The following PARN variants were observed in gnomAD, a reference collection of about 807,000 sequenced individuals.
The protein encoded by PARN is poly(A)-specific ribonuclease.
Under a neutral mutation model 102.8 loss-of-function variants are expected in PARN, and 71 were observed. The observed-to-expected ratio is 0.69, with a 90% CI of 0.57 to 0.84. The LOEUF is 0.84. Ranked by LOEUF, PARN falls within the 40% of genes least tolerant of loss-of-function variation. The probability of loss-of-function intolerance (pLI) is 0.00; values close to 1 mark genes in which losing one functional copy is unlikely to be tolerated. For missense variants in PARN, 782 were observed against 760.9 expected, an observed-to-expected ratio of 1.03 and a Z score of -0.33; for synonymous variants, 261 against 252.9, an observed-to-expected ratio of 1.03 and a Z score of -0.30.
At chr16:14,599,294 C>T (rs373455041) in intron 12 of PARN, among the ~76,000 whole-genome samples, 6 of 152,236 alleles carry the variant, frequency 3.9e-5, no homozygotes, top group East Asian at 3.9e-4. Flanking sequence ...CCATCCTTAT[C>T]GGCCTCCCGA....
intron 21 of PARN, among the ~76,000 whole-genome samples, chr16:14,495,354 C>A (rs1417410909): frequency 6.6e-6 from 1 of 151,954 alleles, no homozygotes; most frequent in Non-Finnish European, 1.5e-5. Flanking sequence ...CATGGTGGTG[C>A]GCACCTGTAG....
intron 5 of PARN, among the ~76,000 whole-genome samples, chr16:14,621,876 T>A: frequency 6.6e-6 from 1 of 151,386 alleles, no homozygotes. Context: ...CTTTGATTTG[T>A]CATAAATGTA....
In PARN at chr16:14,584,738, A is replaced by G. The variant is rs1043027700; in HGVS notation, c.1005+11T>C. The G allele has an allele frequency of 5.1e-6, 8 of 1,565,224 alleles. No homozygotes were observed. The highest frequency in any genetic ancestry group is 6.1e-6 in the Non-Finnish European group (7 of 1,155,180). ...ATGCAGTCGCTTTATAAAGTAGCAA[A>G]TGAATAATACCTTAAAAGGTTGTGT... On this transcript the variant is annotated intron_variant, in intron 15 of 23. Coordinates refer to ENST00000437198, the MANE Select transcript of PARN (RefSeq NM_002582.4).
chr16:14,515,681 AT>A (rs1290376614), intron 21 of PARN, among the ~76,000 whole-genome samples: 3 of 152,212 alleles, frequency 2.0e-5, no homozygotes, highest in Non-Finnish European at 4.4e-5. Flanking sequence ...TGTACCCATA[AT>A]CCTAGCTACT....
intron 21 of PARN, among the ~76,000 whole-genome samples, chr16:14,483,066 G>A (rs1286566321): frequency 6.6e-6 from 1 of 152,164 alleles, no homozygotes; most frequent in Non-Finnish European, 1.5e-5. Context: ...CAGTGTGAAA[G>A]TACTTTGTAA....
chr16:14,577,616 G>T (rs1030729521), intron 18 of PARN, among the ~76,000 whole-genome samples: 3 of 152,060 alleles, frequency 2.0e-5, no homozygotes, highest in African/African-American at 4.8e-5. Context: ...TTACAGGCAT[G>T]AGCCACGGCA....
rs900396060 is a variant in PARN at position 14,492,607 on chromosome 16, T to C, written c.1481-9780A>G. 3.3e-5 allele frequency among the ~76,000 whole-genome samples: 5 copies of C among 152,168 alleles called. 1 individual carries two copies. In the South Asian group the frequency reaches 1.0e-3, roughly 32 times the overall value. On this transcript the variant is annotated intron_variant, in intron 21 of 23. Coordinates refer to ENST00000437198, the MANE Select transcript of PARN (RefSeq NM_002582.4). ...GGCCCTCTACTCTGCTACCTCCCCA[T>C]CCTTCCCCTCAATTAAATATGGACA...
intron 22 of PARN, among the ~76,000 whole-genome samples, chr16:14,463,796 T>G (rs925447063): frequency 7.2e-6 from 1 of 139,232 alleles, no homozygotes; most frequent in African/African-American, 2.6e-5. Context: ...AGAAAAAAAA[T>G]CTTTCAAAAT....
At chr16:14,607,320 G>A (rs996842150) in intron 9 of PARN, among the ~76,000 whole-genome samples, 1 of 152,070 alleles carries the variant, frequency 6.6e-6, no homozygotes, top group Admixed American at 6.6e-5. Flanking sequence ...AGATGCTCCT[G>A]CCTTTGCCTC....
intron 22 of PARN, among the ~76,000 whole-genome samples, chr16:14,462,013 T>C (rs1206185124): frequency 6.6e-6 from 1 of 152,244 alleles, no homozygotes; most frequent in Non-Finnish European, 1.5e-5. Flanking sequence ...TTATACTTTA[T>C]TCAATTACTC....
At chr16:14,541,168 G>C (rs994531849) in intron 21 of PARN, among the ~76,000 whole-genome samples, 5 of 151,076 alleles carry the variant, frequency 3.3e-5, no homozygotes, top group African/African-American at 4.9e-5. Flanking sequence ...CTACATGCAG[G>C]GTATGTCATG....
chr16:14,495,396 G>C (rs747322322), intron 21 of PARN, among the ~76,000 whole-genome samples: 2 of 152,158 alleles, frequency 1.3e-5, no homozygotes, highest in Non-Finnish European at 2.9e-5. Flanking sequence ...GTGAGCCCAG[G>C]AGTTTGAGGC....
At chr16:14,606,147 T>A (rs940102908) in intron 10 of PARN, among the ~76,000 whole-genome samples, 3 of 152,154 alleles carry the variant, frequency 2.0e-5, no homozygotes, top group Non-Finnish European at 4.4e-5. Context: ...AGGCCTGTAA[T>A]CCAGCACTCT....
intron 21 of PARN, among the ~76,000 whole-genome samples, chr16:14,486,751 A>G (rs2151603636): frequency 6.6e-6 from 1 of 152,310 alleles, no homozygotes; most frequent in Non-Finnish European, 1.5e-5. Flanking sequence ...CCACGCCTCT[A>G]ATGGATGAAT....
intron 6 of PARN, among the ~76,000 whole-genome samples, chr16:14,616,661 T>C (rs1000677542): frequency 1.3e-5 from 2 of 152,060 alleles, no homozygotes; most frequent in African/African-American, 4.8e-5. Context: ...GGAGGATCAT[T>C]TGAGCCCAGG....
Position 14,555,717 on chromosome 16 carries a change from A to C in PARN, c.1263-8T>G, listed in dbSNP as rs182460499. The C allele has an allele frequency of 1.1e-3, 1,641 of 1,445,260 alleles. 1 individual carries two copies. Among genetic ancestry groups the C allele is most frequent in the Non-Finnish European group, 1.4e-3 (1,475 of 1,061,946 alleles). 89.5% of individuals were successfully genotyped at this position (1,445,260 alleles called of 1,614,324 possible). A position where few individuals can be genotyped will look rare whatever the true frequency, so the allele number is the denominator to read the frequency against. Reference sequence around the variant, plus strand: ...ACCCTCATAAGAAATAACCTACAAGAAGAAAAGACAAACAAGTAATGGGCA... The same window carrying C: ...ACCCTCATAAGAAATAACCTACAAGCAGAAAAGACAAACAAGTAATGGGCA... On this transcript the variant is annotated splice_region_variant and splice_polypyrimidine_tract_variant and intron_variant, in intron 18 of 23. Transcript: ENST00000437198.
At chr16:14,624,235 A>G (rs1341391758) in intron 5 of PARN, among the ~76,000 whole-genome samples, 1 of 152,210 alleles carries the variant, frequency 6.6e-6, no homozygotes, top group Non-Finnish European at 1.5e-5. Context: ...TTTTCACCCT[A>G]CTTAATAACT....
chr16:14,600,909 G>A (rs1363792825), intron 11 of PARN, among the ~76,000 whole-genome samples: 1 of 152,060 alleles, frequency 6.6e-6, no homozygotes, highest in South Asian at 2.1e-4. Flanking sequence ...ACTCCAGCCT[G>A]GGCAACAAGA....
At chr16:14,438,446 G>C (rs994186884) in intron 23 of PARN, among the ~76,000 whole-genome samples, 1 of 150,664 alleles carries the variant, frequency 6.6e-6, no homozygotes, top group South Asian at 2.1e-4. Context: ...TTAGTTGGGG[G>C]GGGGGGTGTG....
Sources: gnomAD v4.1 joint callset for allele counts (sites outside exome capture counted in the v4.1 genomes callset) on GRCh38, gnomAD v4.1.1 for gene constraint, MANE v1.5 for transcripts, NCBI Gene and HGNC (gene_info 2026-07-23, HGNC 2026-07-21) for gene names.